The following KCNIP4 variants were observed in gnomAD, a reference collection of about 807,000 sequenced individuals.
KCNIP4 encodes potassium voltage-gated channel interacting protein 4.
In KCNIP4, 12 loss-of-function variants were observed where a neutral mutation model predicts 34.0. The ratio of observed to expected loss-of-function variants is 0.35; its 90% CI spans 0.23 to 0.57. KCNIP4 has a LOEUF of 0.57. Ranked by LOEUF, KCNIP4 falls within the 20% of genes least tolerant of loss-of-function variation. The pLI, the probability that KCNIP4 is intolerant of heterozygous loss-of-function variation, is 0.83. For missense variants in KCNIP4, 238 were observed against 311.7 expected (o/e 0.76, Z 1.78); for synonymous variants, 124 against 102.2 (o/e 1.21, Z -1.29).
intron 1 of KCNIP4, among the ~76,000 whole-genome samples, chr4:20,893,070 A>G (rs1161090002): frequency 6.6e-6 from 1 of 152,156 alleles, no homozygotes; most frequent in African/African-American, 2.4e-5. Flanking sequence ...CCCCCTTTTC[A>G]TGTTCAAAAA....
At chr4:21,167,414 T>A (rs1185359780) in intron 1 of KCNIP4, among the ~76,000 whole-genome samples, 1 of 152,222 alleles carries the variant, frequency 6.6e-6, no homozygotes, top group African/African-American at 2.4e-5. Flanking sequence ...AATTTTTTAC[T>A]GAATCAAAAT....
chr4:21,792,987 A>T (rs2109237190), intron 1 of KCNIP4, among the ~76,000 whole-genome samples: 1 of 152,304 alleles, frequency 6.6e-6, no homozygotes, highest in South Asian at 2.1e-4. Flanking sequence ...TCAACAGATG[A>T]GAGAAGGAAA....
At chr4:21,508,390 A>T (rs185830017) in intron 1 of KCNIP4, among the ~76,000 whole-genome samples, 8 of 152,268 alleles carry the variant, frequency 5.3e-5, no homozygotes, top group African/African-American at 1.9e-4. Flanking sequence ...CGGAAATATA[A>T]TTATGCTTAT....
At chr4:20,835,575 C>T (rs956595568) in intron 3 of KCNIP4, among the ~76,000 whole-genome samples, 1 of 152,106 alleles carries the variant, frequency 6.6e-6, no homozygotes, top group Admixed American at 6.6e-5. Flanking sequence ...ATTTTTCTTA[C>T]AATTGTTAGT....
rs1357151009 is a variant in KCNIP4 at position 21,159,495 on chromosome 4, G to T, written c.62-276786C>A. On this transcript the variant is annotated intron_variant, in intron 1 of 8. Transcript: ENST00000382152. Reference sequence around the variant, plus strand: ...TCTGCATTTCCATCTGAGGTACCGGGTTCATCTCACTAGGGAGTGCCAGAC... The same window carrying T: ...TCTGCATTTCCATCTGAGGTACCGGTTTCATCTCACTAGGGAGTGCCAGAC... Among the ~76,000 whole-genome samples, 21 of 48,034 alleles carry T rather than the reference G, an allele frequency of 4.4e-4. 7 individuals are homozygous for T. The highest frequency in any genetic ancestry group is 0.01 in the Middle Eastern group (1 of 100). The allele number at this position is 48,034 out of a possible 152,430, so 31.5% of individuals were successfully genotyped here. A position where few individuals can be genotyped will look rare whatever the true frequency, so the allele number is the denominator to read the frequency against.
At chr4:21,916,539 A>T (rs759988223) in intron 1 of KCNIP4, among the ~76,000 whole-genome samples, 1 of 152,214 alleles carries the variant, frequency 6.6e-6, no homozygotes, top group Non-Finnish European at 1.5e-5. Flanking sequence ...CAACAGAAGC[A>T]ATCAATATTT....
At chr4:21,041,365 CTCTA>C (rs1187465049) in intron 1 of KCNIP4, among the ~76,000 whole-genome samples, 2 of 152,158 alleles carry the variant, frequency 1.3e-5, no homozygotes, top group Non-Finnish European at 2.9e-5. Context: ...ATTGTGTGCA[CTCTA>C]TCTGCTTTCC....
At chr4:21,385,513 C>A (rs1721948329) in intron 1 of KCNIP4, among the ~76,000 whole-genome samples, 1 of 152,160 alleles carries the variant, frequency 6.6e-6, no homozygotes, top group African/African-American at 2.4e-5. Context: ...GGACCTCAAG[C>A]AATTGACTTT....
chr4:21,376,926 C>T (rs1721013971), intron 1 of KCNIP4, among the ~76,000 whole-genome samples: 1 of 152,140 alleles, frequency 6.6e-6, no homozygotes, highest in Non-Finnish European at 1.5e-5. Context: ...AGAACTACTG[C>T]TTGTTTTGTG....
At chr4:20,762,129 T>C (rs997728073) in intron 3 of KCNIP4, among the ~76,000 whole-genome samples, 1 of 152,170 alleles carries the variant, frequency 6.6e-6, no homozygotes, top group Non-Finnish European at 1.5e-5. Context: ...TCTAAGACCA[T>C]AGGATTAGCA....
chr4:21,107,406 A>G (rs1417904402), intron 1 of KCNIP4, among the ~76,000 whole-genome samples: 2 of 150,756 alleles, frequency 1.3e-5, no homozygotes, highest in South Asian at 2.1e-4. Context: ...TTTTATCAGA[A>G]ACTAGGATTG....
intron 1 of KCNIP4, among the ~76,000 whole-genome samples, chr4:20,972,209 T>C (rs999928908): frequency 4.6e-5 from 7 of 152,178 alleles, no homozygotes; most frequent in Non-Finnish European, 7.4e-5. Flanking sequence ...CTGTTAGTGT[T>C]ATTTTAACCT....
chr4:21,273,515 C>T lies in KCNIP4; in HGVS notation c.62-390806G>A, dbSNP rs558737916. Among the ~76,000 whole-genome samples, 29 of 152,224 alleles carry T rather than the reference C, an allele frequency of 1.9e-4. No homozygotes were observed. In the South Asian group the frequency reaches 2.1e-3, roughly 11 times the overall value. On this transcript the variant is annotated intron_variant, in intron 1 of 8. Coordinates refer to ENST00000382152, the MANE Select transcript of KCNIP4 (RefSeq NM_025221.6). ...GAGAAATGATGACTAGTAAAGGAAT[C>T]GGGGGAGAGTGGCTTGACTCACTCC...
chr4:21,679,893 G>A (rs1253625635), intron 1 of KCNIP4, among the ~76,000 whole-genome samples: 1 of 152,166 alleles, frequency 6.6e-6, no homozygotes, highest in Non-Finnish European at 1.5e-5. Context: ...TATCATCTGA[G>A]CCTTCAGTGA....
chr4:21,422,235 G>A (rs749125488), intron 1 of KCNIP4, among the ~76,000 whole-genome samples: 4 of 145,936 alleles, frequency 2.7e-5, no homozygotes, highest in East Asian at 2.0e-4. Flanking sequence ...TCGCTTTGTC[G>A]CCCAGGCTGG....
chr4:21,555,781 C>T (rs567365709), intron 1 of KCNIP4, among the ~76,000 whole-genome samples: 1 of 152,220 alleles, frequency 6.6e-6, no homozygotes, highest in East Asian at 1.9e-4. Flanking sequence ...AAGTGAGAGT[C>T]TCTTGTCACA....
intron 1 of KCNIP4, among the ~76,000 whole-genome samples, chr4:21,459,608 CTG>C (rs1378271275): frequency 1.1e-4 from 16 of 152,174 alleles, no homozygotes; most frequent in Admixed American, 8.5e-4. Context: ...CTTGGCAACT[CTG>C]TTGGGTATCT....
At chr4:21,075,059 T>A (rs1475860508) in intron 1 of KCNIP4, among the ~76,000 whole-genome samples, 1 of 152,190 alleles carries the variant, frequency 6.6e-6, no homozygotes, top group Non-Finnish European at 1.5e-5. Flanking sequence ...TACTTCCAAC[T>A]ATGTGGTCAA....
chr4:21,352,711 A>G (rs577468183), intron 1 of KCNIP4, among the ~76,000 whole-genome samples: 56 of 152,360 alleles, frequency 3.7e-4, no homozygotes, highest in African/African-American at 1.3e-3. Context: ...ATAGCTGAAC[A>G]AAAGGCAGCA....
Sources: gnomAD v4.1 joint callset for allele counts (sites outside exome capture counted in the v4.1 genomes callset) on GRCh38, gnomAD v4.1.1 for gene constraint, MANE v1.5 for transcripts, NCBI Gene and HGNC (gene_info 2026-07-23, HGNC 2026-07-21) for gene names.